The following FOXP2 variants were observed in gnomAD, a reference collection of about 807,000 sequenced individuals.
FOXP2 encodes the protein forkhead box protein P2.
In FOXP2, 12 loss-of-function variants were observed where a neutral mutation model predicts 115.8. That is an observed-to-expected ratio of 0.10 (90% CI 0.07 to 0.17). The LOEUF is 0.17. FOXP2 is among the 10% of genes least tolerant of loss of function. FOXP2 has a pLI of 1.00. For synonymous variants in FOXP2, 328 were observed against 297.7 expected (o/e 1.10, Z -1.05); for missense variants, 629 against 843.5 (o/e 0.75, Z 3.15).
rs777692880 is a variant in FOXP2 at position 114,325,869 on chromosome 7, G to A, written c.-11+37760G>A. ...AAAAAAATTTAAGCAGCTGCTAGAT[G>A]GAATCATAGTTTTTCCAGATGCTTA... On this transcript the variant is annotated intron_variant, in intron 2 of 17. Coordinates refer to the FOXP2 transcript ENST00000634411. 4.5e-4 allele frequency among the ~76,000 whole-genome samples: 68 copies of A among 151,984 alleles called. 1 individual carries two copies. Among genetic ancestry groups the A allele is most frequent in the Non-Finnish European group, 1.3e-4 (9 of 67,904 alleles).
At chr7:114,485,038 A>T (rs1370827605) in intron 2 of FOXP2, among the ~76,000 whole-genome samples, 1 of 151,956 alleles carries the variant, frequency 6.6e-6, no homozygotes, top group Non-Finnish European at 1.5e-5. Flanking sequence ...GAATTTATGC[A>T]TAGCTGAGAA....
intron 1 of FOXP2, among the ~76,000 whole-genome samples, chr7:114,197,794 A>T (rs564036228): frequency 6.6e-6 from 1 of 152,166 alleles, no homozygotes; most frequent in Non-Finnish European, 1.5e-5. Flanking sequence ...GGGAAATTCA[A>T]ATGTGATGGA....
chr7:114,555,273 G>A (rs1334978459), intron 3 of FOXP2, among the ~76,000 whole-genome samples: 1 of 152,160 alleles, frequency 6.6e-6, no homozygotes, highest in Non-Finnish European at 1.5e-5. Context: ...GTAGCTGGTA[G>A]TTTGAGCTGG....
In FOXP2 at chr7:114,642,509, C is replaced by T. The variant is rs777132475; in HGVS notation, c.875C>T (p.Thr292Ile). 1 of 1,613,758 alleles carries T rather than the reference C, an allele frequency of 6.2e-7. No individual in the cohort carries two copies. Among genetic ancestry groups the T allele is most frequent in the African/African-American group, 1.3e-5 (1 of 74,854 alleles). The change falls in exon 7 of 17, where the codon ACT (threonine) becomes ATT (isoleucine). Residue 292 changes from threonine (T) to isoleucine (I), a missense_variant. Thr to Ile is a moderately conservative substitution (Grantham distance 89). This residue lies in a region of FOXP2 where 92 missense variants were observed against 80.1 expected (regional missense o/e 1.15). Coordinates refer to ENST00000350908, the MANE Select transcript of FOXP2 (RefSeq NM_014491.4). ...NGIKHGGLDL[T>I]TNNSSSTTSS... The stretch of plus-strand genomic sequence containing the variant: ...ATTAAACATGGAGGGCTAGACCTCA[C>T]TACTAACAATTCCTCCTCGACTACC...
chr7:114,380,901 T>A (rs896691635), intron 2 of FOXP2, among the ~76,000 whole-genome samples: 2 of 152,248 alleles, frequency 1.3e-5, no homozygotes, highest in Admixed American at 1.3e-4. Context: ...CCTTTGGACC[T>A]GTGTAAGGAC....
chr7:114,099,521 GCATATACCCAAA>G (rs1799729601), intron 1 of FOXP2, among the ~76,000 whole-genome samples: 2 of 152,080 alleles, frequency 1.3e-5, no homozygotes. Context: ...CCTCTTCTAG[GCATATACCCAAA>G]GGAAATGAGA....
chr7:114,181,526 G>A (rs962536968), intron 1 of FOXP2, among the ~76,000 whole-genome samples: 4 of 151,872 alleles, frequency 2.6e-5, no homozygotes, highest in East Asian at 1.9e-4. Context: ...TCTGGGAGGC[G>A]GGAGCCTTCA....
intron 1 of FOXP2, among the ~76,000 whole-genome samples, chr7:114,271,935 T>A (rs1441181914): frequency 6.1e-5 from 8 of 130,904 alleles, no homozygotes; most frequent in African/African-American, 2.3e-4. Flanking sequence ...TATTATAATA[T>A]TAATATATTG....
At chr7:114,615,932 C>G (rs1803925668) in intron 3 of FOXP2, among the ~76,000 whole-genome samples, 1 of 152,180 alleles carries the variant, frequency 6.6e-6, no homozygotes, top group Non-Finnish European at 1.5e-5. Context: ...ACTTCCCTGA[C>G]TTTATGATCT....
chr7:114,554,726 T>G (rs1349897510), intron 3 of FOXP2, among the ~76,000 whole-genome samples: 1 of 152,184 alleles, frequency 6.6e-6, no homozygotes, highest in Non-Finnish European at 1.5e-5. Context: ...TGTCAATAAA[T>G]TAAGTTCTTT....
chr7:114,327,592 C>T (rs1354824637), intron 2 of FOXP2, among the ~76,000 whole-genome samples: 1 of 151,624 alleles, frequency 6.6e-6, no homozygotes, highest in Admixed American at 6.6e-5. Flanking sequence ...ACCTCTGCCT[C>T]CCAGGTTCAA....
upstream of FOXP2, among the ~76,000 whole-genome samples, chr7:114,162,358 C>T (rs140498970): frequency 6.1e-3 from 930 of 152,032 alleles, 10 homozygotes; most frequent in Middle Eastern, 0.037. Context: ...TCCAATATAC[C>T]TTGCTTCAGT....
At chr7:114,638,484 T>G (rs1340853010) in intron 6 of FOXP2, among the ~76,000 whole-genome samples, 3 of 152,180 alleles carry the variant, frequency 2.0e-5, no homozygotes, top group Non-Finnish European at 4.4e-5. Flanking sequence ...CATCAAGCCT[T>G]CAAAGCTCAT....
rs112439512 is a variant in FOXP2, at chr7:114,258,665, T to G, written c.-101-29354T>G. ...CAACATTTTAAAACATTACCAGACT[T>G]ATAGCAATGCTTCTGACAGTATTTA... On this transcript the variant is annotated intron_variant, in intron 1 of 17. Transcript: ENST00000634411. Among the ~76,000 whole-genome samples, 1,422 of 152,334 alleles carry G rather than the reference T, an allele frequency of 9.3e-3. 30 individuals are homozygous for G. Among genetic ancestry groups the G allele is most frequent in the African/African-American group, 0.033 (1,355 of 41,580 alleles).
rs573614337 is a variant in FOXP2, at chr7:114,137,137, G to A, written c.-246-25807G>A. On this transcript the variant is annotated intron_variant, in intron 1 of 19. Transcript: ENST00000635638. Reference sequence around the variant, plus strand: ...TTATTTTGAACTCTTCTACTGAACCGTGTATTATGTGATACACATTTTCCC... The same window carrying A: ...TTATTTTGAACTCTTCTACTGAACCATGTATTATGTGATACACATTTTCCC... Among the ~76,000 whole-genome samples, 8 of 152,114 alleles carry A rather than the reference G, an allele frequency of 5.3e-5. No homozygotes were observed. The South Asian group carries it at 1.2e-3, about 24-fold the overall frequency.
At chr7:114,363,553 G>T (rs571630795) in intron 2 of FOXP2, among the ~76,000 whole-genome samples, 18 of 152,086 alleles carry the variant, frequency 1.2e-4, no homozygotes, top group African/African-American at 4.1e-4. Context: ...GATCTGATTA[G>T]AAATGACAGA....
chr7:114,152,000 C>T (rs554936087), intron 1 of FOXP2, among the ~76,000 whole-genome samples: 7 of 151,932 alleles, frequency 4.6e-5, no homozygotes, highest in South Asian at 2.1e-4. Context: ...CTAGTGCACG[C>T]GATTTCATTA....
chr7:114,266,072 G>GAAA (rs113853878), intron 1 of FOXP2, among the ~76,000 whole-genome samples: 2 of 144,892 alleles, frequency 1.4e-5, no homozygotes, highest in African/African-American at 5.0e-5. Flanking sequence ...GCACTTCAAT[G>GAAA]AAAAAAAAAA....
At chr7:114,517,301 T>C (rs1461289694) in intron 2 of FOXP2, among the ~76,000 whole-genome samples, 1 of 152,170 alleles carries the variant, frequency 6.6e-6, no homozygotes, top group Non-Finnish European at 1.5e-5. Context: ...ATAGGTCGTC[T>C]CTTTATTGCT....
Sources: gnomAD v4.1 joint callset for allele counts (sites outside exome capture counted in the v4.1 genomes callset) on GRCh38, gnomAD v4.1.1 for gene constraint, gnomAD v4.1.1 regional missense constraint, MANE v1.5 for transcripts, NCBI Gene and HGNC (gene_info 2026-07-23, HGNC 2026-07-21) for gene names.